CD34: variants seen among roughly 807,000 people sequenced by gnomAD.
CD34 encodes the protein CD34 molecule.
In CD34, 34 loss-of-function variants were observed where a neutral mutation model predicts 40.1. The ratio of observed to expected loss-of-function variants is 0.85; its 90% CI spans 0.65 to 1.13. The LOEUF (loss-of-function observed/expected upper bound fraction) is 1.13. Ranked by LOEUF, CD34 falls within the 50% of genes most tolerant of loss-of-function variation. The pLI is 0.00. For synonymous variants in CD34, 209 were observed against 190.0 expected, an observed-to-expected ratio of 1.10 and a Z score of -0.82; for missense variants, 426 against 466.9, an observed-to-expected ratio of 0.91 and a Z score of 0.81.
At chr1:207,905,919 T>A (rs942629753) in intron 1 of CD34, among the ~76,000 whole-genome samples, 3 of 152,198 alleles carry the variant, frequency 2.0e-5, no homozygotes, top group Admixed American at 1.3e-4. Context: ...TATTCCAAAA[T>A]CTGAAAAAAT....
chr1:207,905,892 CATT>C (rs1384629362), intron 1 of CD34, among the ~76,000 whole-genome samples: 1 of 152,212 alleles, frequency 6.6e-6, no homozygotes, highest in Non-Finnish European at 1.5e-5. Context: ...TGAGACATCT[CATT>C]ATGTTTACAC....
chr1:207,908,963 A>G (rs919932471), intron 1 of CD34, among the ~76,000 whole-genome samples: 5 of 152,210 alleles, frequency 3.3e-5, no homozygotes, highest in African/African-American at 9.6e-5. Flanking sequence ...CAATGGCCCT[A>G]TGGTAGCATT....
chr1:207,890,301 G>C, intron 4 of CD34: 1 of 921,972 alleles, frequency 1.1e-6, no homozygotes, highest in Non-Finnish European at 1.3e-6. Context: ...TCAATAGTGA[G>C]TCAGAATTTA....
intron 4 of CD34, among the ~76,000 whole-genome samples, chr1:207,896,520 C>A (rs924419701): frequency 6.6e-6 from 1 of 152,076 alleles, no homozygotes; most frequent in African/African-American, 2.4e-5. Flanking sequence ...ACTGGCCAAA[C>A]CCAAAATAAT....
chr1:207,888,844 C>T lies in CD34; in HGVS notation c.810G>A (p.Leu270=). 6.2e-7 allele frequency: 1 copy of T among 1,613,950 alleles called. No individual in the cohort carries two copies. Among genetic ancestry groups the T allele is most frequent in the East Asian group, 2.2e-5 (1 of 44,876 alleles). The change falls in exon 7 of 8, where the codon CTG becomes CTA. Residue 270 remains leucine, a splice_region_variant and synonymous_variant. Transcript: ENST00000310833. ...MKKHQSDLKK[L]GILDFTEQDV... Reference sequence around the variant, plus strand: ...CTTGCTCAGTGAAATCTAGGATCCCCAGCTTGAAAAGAAGACAAAGAAGAT... The same window carrying T: ...CTTGCTCAGTGAAATCTAGGATCCCTAGCTTGAAAAGAAGACAAAGAAGAT...
Position 207,899,910 on chromosome 1 carries a change from T to C in CD34, c.173A>G (p.Tyr58Cys). ...TFSNVSTNVS[Y>C]QETTTPSTLG... ...GGTACTAGGTGTTGTAGTTTCTTGG[T>C]AGGATACATTTGTAGAAACATTTGA... is the stretch of plus-strand genomic sequence containing the variant. The change falls in exon 2 of 8, where the codon TAC becomes TGC. Residue 58 changes from tyrosine to cysteine, a missense_variant. Tyr to Cys is a radical substitution (Grantham distance 194). Transcript: ENST00000310833. 3 of 1,613,964 alleles carry C rather than the reference T, an allele frequency of 1.9e-6. No individual in the cohort carries two copies. The highest frequency in any genetic ancestry group is 2.5e-6 in the Non-Finnish European group (3 of 1,179,876).
At chr1:207,906,136 A>G (rs1407763498) in intron 1 of CD34, among the ~76,000 whole-genome samples, 1 of 152,140 alleles carries the variant, frequency 6.6e-6, no homozygotes, top group Non-Finnish European at 1.5e-5. Context: ...GGAGTTTGTA[A>G]TCTAGTGGGG....
Position 207,883,192 on chromosome 1 carries a change from C to T in CD34, c.*4546G>A, listed in dbSNP as rs1489410838. On this transcript the variant is annotated 3_prime_UTR_variant, in exon 8 of 8. Transcript: ENST00000310833. ...GCTTCCCTTAACACATTCTACTTCT[C>T]TGTCATACCAGAAAACACATTGTCC... 1 of 152,240 alleles carries T rather than the reference C, an allele frequency of 6.6e-6. No homozygotes were observed. The highest frequency in any genetic ancestry group is 1.5e-5 in the Non-Finnish European group (1 of 68,054). The allele number at this position is 152,240 out of a possible 1,614,324, so 9.4% of individuals were successfully genotyped here.
At chr1:207,894,837 T>C (rs1038138778) in intron 4 of CD34, among the ~76,000 whole-genome samples, 2 of 151,826 alleles carry the variant, frequency 1.3e-5, no homozygotes, top group African/African-American at 4.8e-5. Context: ...GTGATTGGGA[T>C]AGACATGTCT....
At chr1:207,901,532 G>A (rs1287530530) in intron 1 of CD34, among the ~76,000 whole-genome samples, 1 of 152,236 alleles carries the variant, frequency 6.6e-6, no homozygotes, top group Non-Finnish European at 1.5e-5. Context: ...GTGAGCCAGA[G>A]TCATGGGTAG....
At position 207,896,298 on chromosome 1, in the gene CD34, T is replaced by G. The variant is rs146636947; in HGVS notation, c.597+1195A>C. ...GTTACTGTTAGGAAATTAGATTTAC[T>G]GAAACAAAGCAAGGTCTGCCAGAAT... is the stretch of plus-strand genomic sequence containing the variant. On this transcript the variant is annotated intron_variant, in intron 4 of 7. Coordinates refer to ENST00000310833, the MANE Select transcript of CD34 (RefSeq NM_001025109.2). Among the ~76,000 whole-genome samples, 177 of 152,242 alleles carry G rather than the reference T, an allele frequency of 1.2e-3. 1 individual carries two copies. The highest frequency in any genetic ancestry group is 4.1e-3 in the African/African-American group (172 of 41,580).
chr1:207,909,687 G>A (rs968792058), intron 1 of CD34, among the ~76,000 whole-genome samples: 27 of 152,200 alleles, frequency 1.8e-4, no homozygotes, highest in Non-Finnish European at 5.9e-5. Flanking sequence ...GATTGCAAGC[G>A]TGAGCCACTG....
intron 1 of CD34, among the ~76,000 whole-genome samples, chr1:207,900,826 C>G (rs1662258841): frequency 6.6e-6 from 1 of 152,140 alleles, no homozygotes; most frequent in Admixed American, 6.5e-5. Context: ...TCTCTTACCT[C>G]TTAAGTAAGG....
At chr1:207,905,094 T>C (rs761969410) in intron 1 of CD34, among the ~76,000 whole-genome samples, 1 of 151,704 alleles carries the variant, frequency 6.6e-6, no homozygotes, top group Non-Finnish European at 1.5e-5. Context: ...GACTCAGGGG[T>C]TGTGTTTGTA....
intron 4 of CD34, among the ~76,000 whole-genome samples, chr1:207,894,037 A>G (rs990239100): frequency 3.3e-5 from 5 of 152,206 alleles, no homozygotes; most frequent in Non-Finnish European, 5.9e-5. Context: ...TGGTCCAGCC[A>G]TTTCACTTTT....
At chr1:207,890,034 G>A in intron 4 of CD34, 1 of 1,378,806 alleles carries the variant, frequency 7.3e-7, no homozygotes, top group Non-Finnish European at 9.3e-7. Context: ...AAAGCCAAGG[G>A]AGGTGAGGAG....
intron 1 of CD34, among the ~76,000 whole-genome samples, chr1:207,909,278 TAAGAAAAG>T (rs1662451390): frequency 6.6e-6 from 1 of 152,052 alleles, no homozygotes; most frequent in South Asian, 2.1e-4. Context: ...GCTGAGGAAA[TAAGAAAAG>T]GGTGGACCTC....
At chr1:207,906,520 C>T (rs1204624132) in intron 1 of CD34, among the ~76,000 whole-genome samples, 1 of 152,152 alleles carries the variant, frequency 6.6e-6, no homozygotes, top group African/African-American at 2.4e-5. Flanking sequence ...TGAGGGTTCC[C>T]AGTGTACCGA....
chr1:207,889,437 T>C, intron 5 of CD34, 28 bp downstream of exon 5: 2 of 1,594,132 alleles, frequency 1.3e-6, no homozygotes, highest in Non-Finnish European at 1.7e-6. Flanking sequence ...ACTCCTTCCC[T>C]GTTCCCCCAG....
Sources: allele counts gnomAD v4.1 joint callset (sites outside exome capture counted in the v4.1 genomes callset), GRCh38; gene constraint gnomAD v4.1.1; transcripts MANE v1.5; gene names NCBI Gene and HGNC (gene_info 2026-07-23, HGNC 2026-07-21).